Variants in AGBL3 observed in about 807,000 individuals in gnomAD.
AGBL3 encodes cytosolic carboxypeptidase 3.
AGBL3 carries 68 observed loss-of-function variants against 94.5 expected under a neutral mutation model. The observed-to-expected ratio is 0.72, with a 90% CI of 0.59 to 0.88. The LOEUF (loss-of-function observed/expected upper bound fraction) is 0.88. AGBL3 is among the 40% of genes least tolerant of loss of function. The pLI, the probability that AGBL3 is intolerant of heterozygous loss-of-function variation, is 0.00. For missense variants in AGBL3, 934 were observed against 1,103.8 expected (o/e 0.85, Z 2.18); for synonymous variants, 354 against 370.7 (o/e 0.95, Z 0.52).
intron 4 of AGBL3, among the ~76,000 whole-genome samples, chr7:135,014,828 C>T (rs1306895542): frequency 1.3e-5 from 2 of 152,170 alleles, no homozygotes; most frequent in Non-Finnish European, 2.9e-5. Flanking sequence ...TAAGCACAGA[C>T]TCCATTCTTC....
At chr7:135,030,365 T>C (rs569905995) in intron 5 of AGBL3, among the ~76,000 whole-genome samples, 22 of 152,332 alleles carry the variant, frequency 1.4e-4, no homozygotes, top group African/African-American at 4.6e-4. Context: ...TTTCAGCTCA[T>C]GATGGATTTA....
intron 4 of AGBL3, among the ~76,000 whole-genome samples, chr7:134,994,288 T>C (rs754136500): frequency 3.3e-5 from 5 of 152,022 alleles, no homozygotes; most frequent in African/African-American, 4.8e-5. Context: ...TCTTTTCCTC[T>C]TTCATTTTCT....
rs575339134 is a variant in AGBL3, at chr7:134,999,097, T to C, written c.310+5419T>C. ...ACCACTAGTCCATTTTGATGTGATATCTTTTTGCCCATCATTAGACACTAT... is the reference window on the plus strand; with the variant it reads ...ACCACTAGTCCATTTTGATGTGATACCTTTTTGCCCATCATTAGACACTAT... On this transcript the variant is annotated intron_variant, in intron 4 of 16. Coordinates refer to ENST00000436302, the MANE Select transcript of AGBL3 (RefSeq NM_178563.4). Among the ~76,000 whole-genome samples, 7 of 152,368 alleles carry C rather than the reference T, an allele frequency of 4.6e-5. No individual in the cohort carries two copies. The South Asian group carries it at 1.5e-3, about 32-fold the overall frequency.
intron 5 of AGBL3, among the ~76,000 whole-genome samples, chr7:135,025,225 G>C (rs892029317): frequency 6.6e-6 from 1 of 151,478 alleles, no homozygotes; most frequent in African/African-American, 2.4e-5. Context: ...CGAGAGAGAA[G>C]GGTGAAGTCA....
intron 4 of AGBL3, among the ~76,000 whole-genome samples, chr7:135,003,948 G>A (rs1010883681): frequency 6.7e-6 from 1 of 150,272 alleles, no homozygotes; most frequent in South Asian, 2.1e-4. Flanking sequence ...TTTCTTTTTT[G>A]TACTAAATGC....
At position 135,025,696 on chromosome 7, in the gene AGBL3, C is replaced by T. The variant is rs183167356; in HGVS notation, c.419-7148C>T. Among the ~76,000 whole-genome samples the T allele has an allele frequency of 1.3e-3, 195 of 151,540 alleles. 2 individuals carry two copies. The highest frequency in any genetic ancestry group is 4.4e-3 in the African/African-American group (181 of 41,508). On this transcript the variant is annotated intron_variant, in intron 5 of 16. Transcript: ENST00000436302. ...AACTGTTGGCTGTCTTCAACAGACC[C>T]GTCTCATATGTAGTAACATCCACAG...
intron 5 of AGBL3, among the ~76,000 whole-genome samples, chr7:135,017,810 G>C (rs1813977429): frequency 6.6e-6 from 1 of 152,116 alleles, no homozygotes; most frequent in Non-Finnish European, 1.5e-5. Context: ...TCCCTGTACA[G>C]TAAGCAATTC....
At position 135,111,598 on chromosome 7, in the gene AGBL3, C is replaced by T. The variant is rs530602643; in HGVS notation, c.2111-3782C>T. ...TGTTTTTTGGTCTTTAATAACATTT[C>T]ACAATAGCTATTGTGAAATAGCTCA... On this transcript the variant is annotated intron_variant, in intron 15 of 16. Transcript: ENST00000436302. Among the ~76,000 whole-genome samples the T allele has an allele frequency of 9.2e-4, 139 of 151,332 alleles. 1 individual carries two copies. The highest frequency in any genetic ancestry group is 3.1e-3 in the African/African-American group (129 of 41,264).
intron 11 of AGBL3, among the ~76,000 whole-genome samples, chr7:135,055,312 T>C (rs771130381): frequency 2.0e-5 from 3 of 152,196 alleles, no homozygotes; most frequent in Non-Finnish European, 2.9e-5. Context: ...ACTTCCAGTA[T>C]GATACTGAGT....
At chr7:135,059,531 A>G (rs1040376020) in intron 12 of AGBL3, among the ~76,000 whole-genome samples, 3 of 152,230 alleles carry the variant, frequency 2.0e-5, no homozygotes, top group Middle Eastern at 3.2e-3. Flanking sequence ...TGACTGCTTA[A>G]TTTATACATT....
chr7:135,121,524 C>A (rs1272380831), intron 16 of AGBL3, among the ~76,000 whole-genome samples: 1 of 147,914 alleles, frequency 6.8e-6, no homozygotes, highest in Non-Finnish European at 1.5e-5. Context: ...TGGAATCCAA[C>A]TAGAAATCAA....
chr7:135,024,896 T>C (rs917762930), intron 5 of AGBL3, among the ~76,000 whole-genome samples: 8 of 148,612 alleles, frequency 5.4e-5, no homozygotes, highest in African/African-American at 1.7e-4. Flanking sequence ...CCCTCAGAGC[T>C]TGAATAAACT....
chr7:135,132,726 G>A (rs1828950189), intron 16 of AGBL3, among the ~76,000 whole-genome samples: 1 of 152,156 alleles, frequency 6.6e-6, no homozygotes, highest in Admixed American at 6.5e-5. Flanking sequence ...TGCATAAGCT[G>A]TCTTGCGTGC....
intron 10 of AGBL3, 88 bp from the exon 11 acceptor site, chr7:135,045,711 A>G: frequency 1.5e-6 from 2 of 1,323,186 alleles, no homozygotes; most frequent in Non-Finnish European, 2.1e-6. Context: ...TCCCAGTAAC[A>G]ATTGTTCCAG....
At chr7:134,993,274 T>C (rs1385269877) in intron 3 of AGBL3, among the ~76,000 whole-genome samples, 1 of 152,204 alleles carries the variant, frequency 6.6e-6, no homozygotes, top group Non-Finnish European at 1.5e-5. Context: ...TTAGAATAAA[T>C]TAATAGTATA....
chr7:135,115,411 A>C lies in AGBL3; in HGVS notation c.2142A>C (p.Lys714Asn). ...DLHHNLKSKI[K>N]ECISFQSKKT... is the part of the protein sequence containing the mutation. ...ACCACAACTTAAAAAGCAAAATAAA[A>C]GAATGCATATCTTTCCAAAGCAAGA... The change falls in exon 16 of 17, where the codon AAA becomes AAC. Residue 714 changes from lysine (K) to asparagine (N), a missense_variant. Lys to Asn is a moderately conservative substitution (Grantham distance 94). Coordinates refer to ENST00000436302, the MANE Select transcript of AGBL3 (RefSeq NM_178563.4). The C allele has an allele frequency of 6.4e-7, 1 of 1,551,004 alleles. No homozygotes were observed. Among genetic ancestry groups the C allele is most frequent in the East Asian group, 2.4e-5 (1 of 40,876 alleles).
chr7:135,083,961 T>C (rs1821123074), intron 15 of AGBL3, among the ~76,000 whole-genome samples: 1 of 151,894 alleles, frequency 6.6e-6, no homozygotes, highest in Admixed American at 6.6e-5. Context: ...ACTTTGCAAG[T>C]TACCACTATG....
At chr7:135,047,624 G>A (rs1435404367) in intron 11 of AGBL3, among the ~76,000 whole-genome samples, 1 of 151,916 alleles carries the variant, frequency 6.6e-6, no homozygotes, top group Non-Finnish European at 1.5e-5. Context: ...CCTGATAAGC[G>A]ATGTCAAGCA....
chr7:135,074,101 T>C (rs1820232818), intron 12 of AGBL3, among the ~76,000 whole-genome samples: 1 of 152,214 alleles, frequency 6.6e-6, no homozygotes, highest in African/African-American at 2.4e-5. Flanking sequence ...AAGTGGTAAC[T>C]ATGTGAGGTG....
Sources: gnomAD v4.1 joint callset for allele counts (sites outside exome capture counted in the v4.1 genomes callset) on GRCh38, gnomAD v4.1.1 for gene constraint, MANE v1.5 for transcripts, NCBI Gene and HGNC (gene_info 2026-07-23, HGNC 2026-07-21) for gene names.